Variants in PGCKA1 observed in about 807,000 individuals in gnomAD.
PGCKA1 encodes PDCD10 and GCKIII kinases associated 1.
chr4:37,487,473 A>G, the PGCKA1 span, among the ~76,000 whole-genome samples: 1 of 152,088 alleles, frequency 6.6e-6, no homozygotes, highest in Non-Finnish European at 1.5e-5. Flanking sequence ...AGTTTTTTTT[A>G]TGGTTATCTT....
the PGCKA1 span, among the ~76,000 whole-genome samples, chr4:37,520,035 T>C: frequency 2.0e-5 from 3 of 152,228 alleles, 1 homozygote; most frequent in South Asian, 6.2e-4. Flanking sequence ...GTTTTTATCC[T>C]TCATTCTGTT....
At chr4:37,529,632 T>A in the PGCKA1 span, among the ~76,000 whole-genome samples, 1 of 152,260 alleles carries the variant, frequency 6.6e-6, no homozygotes. Flanking sequence ...CTGTTCTTTT[T>A]ATTCTTGGAA....
the PGCKA1 span, among the ~76,000 whole-genome samples, chr4:37,587,573 G>A: frequency 1.3e-5 from 2 of 152,184 alleles, no homozygotes; most frequent in Non-Finnish European, 2.9e-5. Context: ...GACAACATGG[G>A]AGACAGAGAC....
At chr4:37,530,343 C>T in the PGCKA1 span, among the ~76,000 whole-genome samples, 7 of 151,790 alleles carry the variant, frequency 4.6e-5, no homozygotes, top group East Asian at 1.9e-4. Context: ...AGGCCAAGGC[C>T]GGTGAATCAT....
the PGCKA1 span, among the ~76,000 whole-genome samples, chr4:37,574,244 T>C: frequency 6.6e-6 from 1 of 152,164 alleles, no homozygotes; most frequent in African/African-American, 2.4e-5. Flanking sequence ...ATGTATGTTT[T>C]GTTTAGCATA....
At chr4:37,523,697 T>C in the PGCKA1 span, among the ~76,000 whole-genome samples, 4 of 152,306 alleles carry the variant, frequency 2.6e-5, no homozygotes, top group Middle Eastern at 3.4e-3. Context: ...ATTCCTGTCT[T>C]AGTTTGTTCA....
the PGCKA1 span, among the ~76,000 whole-genome samples, chr4:37,527,244 T>C: frequency 6.6e-6 from 1 of 152,202 alleles, no homozygotes; most frequent in Non-Finnish European, 1.5e-5. Flanking sequence ...AAAAAGTTTA[T>C]AAAGTAAAAA....
At chr4:37,572,483 C>T in the PGCKA1 span, among the ~76,000 whole-genome samples, 1 of 152,166 alleles carries the variant, frequency 6.6e-6, no homozygotes, top group Non-Finnish European at 1.5e-5. Context: ...GAACATCTAC[C>T]ACATTTGCTT....
the PGCKA1 span, among the ~76,000 whole-genome samples, chr4:37,519,737 A>G: frequency 6.6e-6 from 1 of 152,186 alleles, no homozygotes; most frequent in African/African-American, 2.4e-5. Flanking sequence ...TTACATTCCA[A>G]TTTGGATGCC....
At chr4:37,481,464 CAAAAAAAAAAAAAAAAAAAAAAA>C in the PGCKA1 span, among the ~76,000 whole-genome samples, 13,089 of 61,552 alleles carry the variant, frequency 0.21, 1,128 homozygotes, top group South Asian at 0.45. Flanking sequence ...GACCTGTCTC[CAAAAAAAAAAAAAAAAAAAAAAA>C]AAAAAAAAAA....
chr4:37,544,423 C>T, the PGCKA1 span, among the ~76,000 whole-genome samples: 3 of 151,896 alleles, frequency 2.0e-5, no homozygotes, highest in Non-Finnish European at 2.9e-5. Context: ...TATTTTGTGA[C>T]GAATTCCTTC....
the PGCKA1 span, among the ~76,000 whole-genome samples, chr4:37,518,803 G>T: frequency 1.1e-4 from 16 of 152,192 alleles, no homozygotes; most frequent in South Asian, 3.1e-3. Flanking sequence ...TTTTTGTGTT[G>T]GTTGCCTGTG....
the PGCKA1 span, among the ~76,000 whole-genome samples, chr4:37,493,429 T>A: frequency 6.6e-6 from 1 of 152,234 alleles, no homozygotes; most frequent in Non-Finnish European, 1.5e-5. Flanking sequence ...TTAGGCTTAC[T>A]CCACAAACAT....
chr4:37,553,906 A>T, the PGCKA1 span, among the ~76,000 whole-genome samples: 1 of 152,260 alleles, frequency 6.6e-6, no homozygotes, highest in Non-Finnish European at 1.5e-5. Flanking sequence ...TAGAGGGAAC[A>T]TTGTATAAAT....
chr4:37,478,149 C>T, the PGCKA1 span, among the ~76,000 whole-genome samples: 12 of 111,634 alleles, frequency 1.1e-4, no homozygotes, highest in African/African-American at 3.0e-4. Context: ...AACACCCCCC[C>T]CCACCGCCAC....
chr4:37,561,569 G>A, the PGCKA1 span, among the ~76,000 whole-genome samples: 26 of 152,198 alleles, frequency 1.7e-4, no homozygotes, highest in African/African-American at 6.3e-4. Context: ...AGAAAGGGGG[G>A]ACAATACACC....
At chr4:37,502,181 G>T in the PGCKA1 span, among the ~76,000 whole-genome samples, 2 of 152,208 alleles carry the variant, frequency 1.3e-5, no homozygotes, top group African/African-American at 4.8e-5. Flanking sequence ...ATGGCAGCAG[G>T]CTCCATCCTC....
chr4:37,501,013 A>C, the PGCKA1 span, among the ~76,000 whole-genome samples: 1 of 152,058 alleles, frequency 6.6e-6, no homozygotes, highest in South Asian at 2.1e-4. Flanking sequence ...GTGTCGTTAC[A>C]TGTCAGATGG....
the PGCKA1 span, among the ~76,000 whole-genome samples, chr4:37,474,937 A>G: frequency 1.3e-5 from 2 of 152,324 alleles, no homozygotes; most frequent in East Asian, 3.9e-4. Context: ...GGGTGTTTAT[A>G]AAAAATTAGT....
Sources: allele counts gnomAD v4.1 joint callset (sites outside exome capture counted in the v4.1 genomes callset), GRCh38; gene constraint gnomAD v4.1.1; transcripts MANE v1.5; gene names NCBI Gene and HGNC (gene_info 2026-07-23, HGNC 2026-07-21).